Variants in NCKAP5 observed in about 807,000 individuals in gnomAD.
NCKAP5 encodes NCK associated protein 5.
Under a neutral mutation model 167.0 loss-of-function variants are expected in NCKAP5, and 92 were observed. That is an observed-to-expected ratio of 0.55 (90% confidence interval 0.47 to 0.66). The LOEUF is 0.66. Ranked by LOEUF, NCKAP5 falls within the 30% of genes least tolerant of loss-of-function variation. The pLI, the probability that NCKAP5 is intolerant of heterozygous loss-of-function variation, is 0.00. For missense variants in NCKAP5, 2,378 were observed against 2,315.0 expected (o/e 1.03, Z -0.56); for synonymous variants, 891 against 877.4 (o/e 1.02, Z -0.27).
intron 2 of NCKAP5, among the ~76,000 whole-genome samples, chr2:133,547,677 A>G (rs145261985): frequency 0.085 from 12,884 of 150,944 alleles, 940 homozygotes; most frequent in African/African-American, 0.2. Flanking sequence ...CCTGTCTGTT[A>G]GAAGGAAAAC....
chr2:133,358,443 TG>T (rs923240966), intron 3 of NCKAP5, among the ~76,000 whole-genome samples: 1 of 152,078 alleles, frequency 6.6e-6, no homozygotes, highest in African/African-American at 2.4e-5. Context: ...AGCCAGGGTA[TG>T]GTGGTACATG....
At chr2:132,855,347 G>GT (rs1460656828) in intron 11 of NCKAP5, among the ~76,000 whole-genome samples, 1 of 152,204 alleles carries the variant, frequency 6.6e-6, no homozygotes, top group Non-Finnish European at 1.5e-5. Flanking sequence ...CTCACCACCA[G>GT]TGGATACTCT....
At chr2:133,017,170 T>G (rs145488875) in intron 6 of NCKAP5, among the ~76,000 whole-genome samples, 17 of 152,372 alleles carry the variant, frequency 1.1e-4, no homozygotes, top group African/African-American at 4.1e-4. Flanking sequence ...CAAAACCATC[T>G]GCTAATGTCT....
intron 3 of NCKAP5, chr2:133,433,364 T>C (rs993703330): frequency 1.3e-5 from 2 of 152,202 alleles, no homozygotes; most frequent in African/African-American, 4.8e-5. Context: ...ACCTTTTACT[T>C]TGAATATTCC....
At chr2:133,107,306 G>A (rs529073027) in intron 6 of NCKAP5, among the ~76,000 whole-genome samples, 37 of 152,248 alleles carry the variant, frequency 2.4e-4, no homozygotes, top group Admixed American at 1.0e-3. Flanking sequence ...GCTGCATGTC[G>A]AGTCATGGTC....
At chr2:133,372,626 C>T (rs143147897) in intron 3 of NCKAP5, among the ~76,000 whole-genome samples, 112 of 152,306 alleles carry the variant, frequency 7.4e-4, no homozygotes, top group African/African-American at 2.6e-3. Context: ...TGAGGGTTCA[C>T]TGACCAAAAG....
the NCKAP5 span, among the ~76,000 whole-genome samples, chr2:133,655,915 C>G: frequency 6.6e-6 from 1 of 152,316 alleles, no homozygotes; most frequent in Admixed American, 6.5e-5. Flanking sequence ...GGTACCATAG[C>G]AGACAGAGTT....
intron 3 of NCKAP5, among the ~76,000 whole-genome samples, chr2:133,306,209 C>T (rs1054018088): frequency 6.6e-6 from 1 of 152,216 alleles, no homozygotes; most frequent in Non-Finnish European, 1.5e-5. Context: ...ATGCTATTGG[C>T]ACAGTGGCTG....
At chr2:133,319,861 T>C (rs1052584905) in intron 3 of NCKAP5, among the ~76,000 whole-genome samples, 1 of 152,218 alleles carries the variant, frequency 6.6e-6, no homozygotes, top group African/African-American at 2.4e-5. Context: ...ATGCTTTTCA[T>C]GCAAAATTAA....
chr2:133,225,420 G>C (rs1472340995), intron 4 of NCKAP5, among the ~76,000 whole-genome samples: 10 of 152,180 alleles, frequency 6.6e-5, no homozygotes, highest in Admixed American at 5.2e-4. Context: ...CATAGTATCT[G>C]TGAGGAGGCT....
chr2:133,653,190 A>C, the NCKAP5 span, among the ~76,000 whole-genome samples: 2 of 152,170 alleles, frequency 1.3e-5, no homozygotes, highest in African/African-American at 4.8e-5. Flanking sequence ...TGCCTTAAGA[A>C]AGCATTTTAT....
chr2:133,347,660 T>C (rs1684070124), intron 3 of NCKAP5, among the ~76,000 whole-genome samples: 1 of 152,026 alleles, frequency 6.6e-6, no homozygotes, highest in African/African-American at 2.4e-5. Context: ...TCCTAAGCCA[T>C]CCATGTTGTC....
At chr2:133,624,652 G>A in the NCKAP5 span, among the ~76,000 whole-genome samples, 1 of 152,176 alleles carries the variant, frequency 6.6e-6, no homozygotes, top group African/African-American at 2.4e-5. Context: ...GTCTCATGGT[G>A]TATATAAAAT....
intron 3 of NCKAP5, among the ~76,000 whole-genome samples, chr2:133,474,401 T>G (rs904979106): frequency 8.5e-5 from 13 of 152,152 alleles, no homozygotes; most frequent in Non-Finnish European, 2.9e-5. Context: ...CTGGTGAAGC[T>G]GCAAGGCAAG....
chr2:133,363,954 A>G (rs972414628), intron 3 of NCKAP5, among the ~76,000 whole-genome samples: 1 of 152,228 alleles, frequency 6.6e-6, no homozygotes, highest in Non-Finnish European at 1.5e-5. Flanking sequence ...ATCAGAAGCA[A>G]TAACAAATAT....
At chr2:133,143,461 T>C (rs933568314) in intron 5 of NCKAP5, among the ~76,000 whole-genome samples, 9 of 152,230 alleles carry the variant, frequency 5.9e-5, no homozygotes, top group African/African-American at 2.2e-4. Context: ...AACACAGAAA[T>C]CTGTGGCCTT....
chr2:133,182,108 T>G (rs984195191), intron 5 of NCKAP5, among the ~76,000 whole-genome samples: 3 of 151,948 alleles, frequency 2.0e-5, no homozygotes, highest in African/African-American at 7.3e-5. Context: ...ATATGTGAAA[T>G]GGAACTGAAA....
chr2:132,710,547 A>G lies in NCKAP5; in HGVS notation c.5713+15080T>C, dbSNP rs867099578. 3.0e-4 allele frequency among the ~76,000 whole-genome samples: 45 copies of G among 152,338 alleles called. No individual in the cohort carries two copies. The Middle Eastern group carries it at 0.014, about 46-fold the overall frequency. ...GCCATTATCCAGTTTCTTTTAAAAA[A>G]TACTGCTCAGAAGCATAGCACATTT... On this transcript the variant is annotated intron_variant, in intron 19 of 19. Transcript: ENST00000409261.
chr2:133,170,340 C>T (rs978701846), intron 5 of NCKAP5, among the ~76,000 whole-genome samples: 2 of 152,124 alleles, frequency 1.3e-5, no homozygotes, highest in African/African-American at 4.8e-5. Context: ...ACTAGTGCAA[C>T]TGGGTGTTAA....
Sources: gnomAD v4.1 joint callset for allele counts (sites outside exome capture counted in the v4.1 genomes callset) on GRCh38, gnomAD v4.1.1 for gene constraint, MANE v1.5 for transcripts, NCBI Gene and HGNC (gene_info 2026-07-23, HGNC 2026-07-21) for gene names.